RAPGEF5: variants seen among roughly 807,000 people sequenced by gnomAD.
RAPGEF5 encodes the protein Rap guanine nucleotide exchange factor 5, also known as M-Ras-regulated GEF.
RAPGEF5 carries 65 observed loss-of-function variants against 125.2 expected under a neutral mutation model. That is an observed-to-expected ratio of 0.52 (90% confidence interval 0.43 to 0.64). The LOEUF is 0.64. Among genes scored for constraint, RAPGEF5 ranks in the 30% least tolerant of loss-of-function variants. RAPGEF5 has a pLI of 0.00. For synonymous variants in RAPGEF5, 391 were observed against 385.9 expected (o/e 1.01, Z -0.16); for missense variants, 958 against 1,048.1 (o/e 0.91, Z 1.19).
At chr7:22,190,725 G>A (rs1369583456) in intron 11 of RAPGEF5, among the ~76,000 whole-genome samples, 3 of 152,210 alleles carry the variant, frequency 2.0e-5, no homozygotes, top group African/African-American at 7.2e-5. Flanking sequence ...TCACAAATTA[G>A]TGACTTTTGT....
At chr7:22,283,608 T>TGTATTCACCA (rs1782726213) in intron 6 of RAPGEF5, among the ~76,000 whole-genome samples, 1 of 152,202 alleles carries the variant, frequency 6.6e-6, no homozygotes, top group East Asian at 1.9e-4. Context: ...TCGGCTTCTT[T>TGTATTCACCA]CAGAGAAGAT....
intron 17 of RAPGEF5, among the ~76,000 whole-genome samples, chr7:22,154,207 C>T (rs1330032134): frequency 6.6e-6 from 1 of 151,954 alleles, no homozygotes; most frequent in African/African-American, 2.4e-5. Context: ...ATATGAAAAG[C>T]TTTATAATGT....
intron 11 of RAPGEF5, among the ~76,000 whole-genome samples, chr7:22,188,732 C>T (rs1365215886): frequency 6.7e-6 from 1 of 148,392 alleles, no homozygotes; most frequent in African/African-American, 2.5e-5. Context: ...CGCCACTGCA[C>T]TCCAGCCTGG....
intron 11 of RAPGEF5, among the ~76,000 whole-genome samples, chr7:22,174,958 G>A (rs1459881656): frequency 3.3e-5 from 5 of 152,164 alleles, no homozygotes; most frequent in Non-Finnish European, 2.9e-5. Flanking sequence ...ACCTAAAGAG[G>A]ATGGCTATGG....
chr7:22,308,328 C>T lies in RAPGEF5; in HGVS notation c.680+11G>A, dbSNP rs1476547267. The T allele has an allele frequency of 1.3e-6, 2 of 1,574,346 alleles. No individual in the cohort carries two copies. The highest frequency in any genetic ancestry group is 1.7e-6 in the Non-Finnish European group (2 of 1,158,866). ...GTAAGAATACAATGGCACAAGAGAG[C>T]ATCTACTTACAGTTCACAGATGCCA... is the stretch of plus-strand genomic sequence containing the variant. On this transcript the variant is annotated intron_variant, in intron 5 of 25. Transcript: ENST00000665637.
At chr7:22,334,133 C>T (rs1429636620) in intron 1 of RAPGEF5, among the ~76,000 whole-genome samples, 4 of 152,222 alleles carry the variant, frequency 2.6e-5, no homozygotes, top group Non-Finnish European at 5.9e-5. Flanking sequence ...ACCCACACCC[C>T]ACGGACCTCA....
chr7:22,192,950 G>C, intron 11 of RAPGEF5: 1 of 203,474 alleles, frequency 4.9e-6, no homozygotes, highest in Non-Finnish European at 1.0e-5. Context: ...TGCATTAATT[G>C]TTGACATTTC....
intron 7 of RAPGEF5, among the ~76,000 whole-genome samples, chr7:22,255,126 C>G (rs1303294237): frequency 6.6e-6 from 1 of 152,044 alleles, no homozygotes; most frequent in Non-Finnish European, 1.5e-5. Flanking sequence ...CCCCAAATGC[C>G]TATTTAAGCT....
intron 5 of RAPGEF5, among the ~76,000 whole-genome samples, chr7:22,300,454 C>G (rs1433523815): frequency 1.3e-5 from 2 of 152,230 alleles, no homozygotes; most frequent in South Asian, 2.1e-4. Flanking sequence ...AATTGCTTTT[C>G]CTTTGACAAA....
intron 1 of RAPGEF5, among the ~76,000 whole-genome samples, chr7:22,322,988 G>T (rs1410089572): frequency 6.6e-6 from 1 of 152,210 alleles, no homozygotes; most frequent in East Asian, 1.9e-4. Context: ...GCTGAATGAA[G>T]AAGAGGTACT....
At chr7:22,325,288 A>G (rs577519979) in intron 1 of RAPGEF5, among the ~76,000 whole-genome samples, 15 of 152,316 alleles carry the variant, frequency 9.8e-5, no homozygotes, top group African/African-American at 3.4e-4. Flanking sequence ...CTATAGATCT[A>G]GGACCATCAG....
chr7:22,296,618 TGGA>T (rs1411060995), intron 5 of RAPGEF5, among the ~76,000 whole-genome samples: 1 of 152,160 alleles, frequency 6.6e-6, no homozygotes, highest in Non-Finnish European at 1.5e-5. Context: ...TTATGAGCTC[TGGA>T]GTGGCTGGCT....
chr7:22,197,721 ACC>A (rs1785179662), intron 9 of RAPGEF5, among the ~76,000 whole-genome samples: 1 of 152,108 alleles, frequency 6.6e-6, no homozygotes, highest in Admixed American at 6.5e-5. Flanking sequence ...ATGGGCAAGT[ACC>A]CTATCTTCTT....
At chr7:22,332,126 A>T (rs962723537) in intron 1 of RAPGEF5, among the ~76,000 whole-genome samples, 10 of 152,336 alleles carry the variant, frequency 6.6e-5, no homozygotes, top group African/African-American at 1.2e-4. Flanking sequence ...GCAAAAAAAA[A>T]TTTTAACTAT....
At chr7:22,287,932 C>T (rs553695283) in intron 6 of RAPGEF5, among the ~76,000 whole-genome samples, 5 of 152,282 alleles carry the variant, frequency 3.3e-5, no homozygotes, top group African/African-American at 4.8e-5. Context: ...AATCTCAGTA[C>T]AGGATATTTT....
At position 22,121,192 on chromosome 7, in the gene RAPGEF5, T is replaced by C. The variant is rs1397947393; in HGVS notation, c.*1214A>G. On this transcript the variant is annotated 3_prime_UTR_variant, in exon 26 of 26. Transcript: ENST00000665637. ...CTACAGGAGCCTCAATTGGTAAAAA[T>C]GGGAATAATAAGATTTTAGAAGACT... 1 of 122,370 alleles carries C rather than the reference T, an allele frequency of 8.2e-6. No homozygotes were observed. Among genetic ancestry groups the C allele is most frequent in the African/African-American group, 3.2e-5 (1 of 31,702 alleles). 7.6% of individuals were successfully genotyped at this position (122,370 alleles called of 1,614,324 possible). A position where few individuals can be genotyped will look rare whatever the true frequency, so the allele number is the denominator to read the frequency against.
chr7:22,128,778 C>T (rs1054504135), intron 24 of RAPGEF5, among the ~76,000 whole-genome samples: 19 of 152,168 alleles, frequency 1.2e-4, no homozygotes, highest in Non-Finnish European at 2.8e-4. Flanking sequence ...ATGAAGAGCC[C>T]GTGCCTGCCT....
At chr7:22,328,286 T>A (rs1012496607) in intron 1 of RAPGEF5, among the ~76,000 whole-genome samples, 1 of 152,216 alleles carries the variant, frequency 6.6e-6, no homozygotes, top group Non-Finnish European at 1.5e-5. Flanking sequence ...CCATCAAGCA[T>A]CTTTTGGACA....
chr7:22,227,555 C>T (rs562053559), intron 8 of RAPGEF5, among the ~76,000 whole-genome samples: 1 of 152,212 alleles, frequency 6.6e-6, no homozygotes, highest in East Asian at 1.9e-4. Flanking sequence ...ATAAATTACT[C>T]AAGGCCAAGT....
Sources: allele counts gnomAD v4.1 joint callset (sites outside exome capture counted in the v4.1 genomes callset), GRCh38; gene constraint gnomAD v4.1.1; transcripts MANE v1.5; gene names NCBI Gene and HGNC (gene_info 2026-07-23, HGNC 2026-07-21).